EPHX4: variants seen among roughly 807,000 people sequenced by gnomAD.
EPHX4 encodes epoxide hydrolase 4.
In EPHX4, 31 loss-of-function variants were observed where a neutral mutation model predicts 44.9. The ratio of observed to expected loss-of-function variants is 0.69; its 90% CI spans 0.52 to 0.93. The LOEUF (loss-of-function observed/expected upper bound fraction) is 0.93. Ranked by LOEUF, EPHX4 falls within the 40% of genes least tolerant of loss-of-function variation. EPHX4 has a pLI of 0.00. For synonymous variants in EPHX4, 151 were observed against 159.7 expected (o/e 0.95, Z 0.41); for missense variants, 373 against 438.1 (o/e 0.85, Z 1.33).
intron 3 of EPHX4, among the ~76,000 whole-genome samples, chr1:92,044,997 C>T (rs570172236): frequency 6.6e-6 from 1 of 152,250 alleles, no homozygotes; most frequent in East Asian, 1.9e-4. Flanking sequence ...CGGTCTCGCT[C>T]TGTCACCCAG....
At chr1:92,055,134 A>G (rs573280939) in intron 6 of EPHX4, among the ~76,000 whole-genome samples, 1 of 152,212 alleles carries the variant, frequency 6.6e-6, no homozygotes, top group African/African-American at 2.4e-5. Flanking sequence ...AAAGGGAGAA[A>G]AAGAAGCAAA....
chr1:92,045,186 A>C (rs752188557), intron 3 of EPHX4, among the ~76,000 whole-genome samples: 1 of 151,642 alleles, frequency 6.6e-6, no homozygotes, highest in East Asian at 1.9e-4. Context: ...AGGTCTTGCT[A>C]TGTTGCCCAG....
intron 5 of EPHX4, 145 bp downstream of exon 5, chr1:92,050,565 T>A: frequency 3.7e-6 from 2 of 536,758 alleles, no homozygotes; most frequent in Admixed American, 3.8e-5. Context: ...ATAGTCTTGC[T>A]TATTTTCATA....
intron 2 of EPHX4, among the ~76,000 whole-genome samples, chr1:92,035,284 A>G (rs1255086010): frequency 6.6e-6 from 1 of 152,202 alleles, no homozygotes; most frequent in South Asian, 2.1e-4. Flanking sequence ...AGTGCGTGGC[A>G]TAATTAGTTC....
chr1:92,054,572 A>G (rs551210623), intron 6 of EPHX4, among the ~76,000 whole-genome samples: 1 of 145,344 alleles, frequency 6.9e-6, no homozygotes, highest in East Asian at 2.0e-4. Context: ...TGGGTGACAG[A>G]GAGAGACTCC....
chr1:92,050,030 C>A (rs1212157850), intron 4 of EPHX4, among the ~76,000 whole-genome samples: 1 of 151,810 alleles, frequency 6.6e-6, no homozygotes, highest in Non-Finnish European at 1.5e-5. Context: ...ACCCAGGAGG[C>A]AGAGGTTATA....
At chr1:92,039,072 A>G (rs1204172286) in intron 2 of EPHX4, among the ~76,000 whole-genome samples, 3 of 152,236 alleles carry the variant, frequency 2.0e-5, no homozygotes, top group Non-Finnish European at 4.4e-5. Flanking sequence ...TAAGAATGGT[A>G]TAGATGTTAG....
At chr1:92,052,146 C>T (rs1647275965) in intron 5 of EPHX4, among the ~76,000 whole-genome samples, 1 of 152,238 alleles carries the variant, frequency 6.6e-6, no homozygotes. Context: ...TCAGTGATAG[C>T]TTGCCTCCTC....
At chr1:92,050,834 TC>T (rs1184327385) in intron 5 of EPHX4, among the ~76,000 whole-genome samples, 1 of 152,188 alleles carries the variant, frequency 6.6e-6, no homozygotes, top group Non-Finnish European at 1.5e-5. Flanking sequence ...ATTAAATTCT[TC>T]TTTTTATTTT....
intron 3 of EPHX4, among the ~76,000 whole-genome samples, chr1:92,045,082 G>T (rs751482271): frequency 3.3e-5 from 5 of 151,968 alleles, no homozygotes; most frequent in Non-Finnish European, 7.4e-5. Flanking sequence ...CCCACTCCAG[G>T]CTCTACAGTT....
At chr1:92,034,406 G>A (rs1160496859) in intron 2 of EPHX4, among the ~76,000 whole-genome samples, 3 of 151,224 alleles carry the variant, frequency 2.0e-5, no homozygotes, top group Non-Finnish European at 4.4e-5. Context: ...AATAGGTCAA[G>A]AAATTGATGT....
intron 2 of EPHX4, 112 bp downstream of exon 2, chr1:92,032,702 A>G (rs557232983): frequency 1.1e-6 from 1 of 947,144 alleles, no homozygotes; most frequent in African/African-American, 1.6e-5. Context: ...AAATGAACAT[A>G]AATGATTTTC....
intron 2 of EPHX4, among the ~76,000 whole-genome samples, chr1:92,040,151 A>C (rs572325024): frequency 2.7e-5 from 4 of 150,440 alleles, no homozygotes; most frequent in African/African-American, 9.7e-5. Context: ...TCCTGATGAT[A>C]TAAGGTGGTT....
intron 4 of EPHX4, among the ~76,000 whole-genome samples, chr1:92,046,241 T>C (rs917021714): frequency 1.3e-5 from 2 of 152,190 alleles, no homozygotes; most frequent in Admixed American, 1.3e-4. Flanking sequence ...AACTACATCT[T>C]CCAAAACAAA....
At chr1:92,043,856 G>T (rs1023040) in intron 3 of EPHX4, 76,745 of 151,744 alleles carry the variant, frequency 0.51, 19,858 homozygotes, top group African/African-American at 0.63. Flanking sequence ...ATGGTAGAGG[G>T]TGAGCCCAGG....
chr1:92,037,238 G>C (rs1034829026), intron 2 of EPHX4, among the ~76,000 whole-genome samples: 10 of 152,148 alleles, frequency 6.6e-5, no homozygotes, highest in Non-Finnish European at 1.5e-4. Context: ...TAATGTGTGT[G>C]AAAGTGCTTT....
intron 6 of EPHX4, among the ~76,000 whole-genome samples, chr1:92,062,069 A>G (rs542469363): frequency 4.6e-5 from 7 of 152,202 alleles, no homozygotes; most frequent in Non-Finnish European, 7.4e-5. Context: ...ATATATATAC[A>G]CAACAAAAAC....
At chr1:92,046,494 C>T (rs990261582) in intron 4 of EPHX4, among the ~76,000 whole-genome samples, 9 of 152,096 alleles carry the variant, frequency 5.9e-5, no homozygotes, top group East Asian at 1.9e-4. Flanking sequence ...GATGGAGTCT[C>T]GCTCTGTCGC....
At chr1:92,038,570 G>C (rs1406044640) in intron 2 of EPHX4, among the ~76,000 whole-genome samples, 2 of 152,158 alleles carry the variant, frequency 1.3e-5, no homozygotes, top group Non-Finnish European at 2.9e-5. Flanking sequence ...CAAAAGTGAG[G>C]TGTGCCCCAG....
Sources: gnomAD v4.1 joint callset for allele counts (sites outside exome capture counted in the v4.1 genomes callset) on GRCh38, gnomAD v4.1.1 for gene constraint, MANE v1.5 for transcripts, NCBI Gene and HGNC (gene_info 2026-07-23, HGNC 2026-07-21) for gene names.